Variants in MARCHF3 observed in about 807,000 individuals in gnomAD.
The protein encoded by MARCHF3 is E3 ubiquitin-protein ligase MARCHF3.
Under a neutral mutation model 24.2 loss-of-function variants are expected in MARCHF3, and 13 were observed. The ratio of observed to expected loss-of-function variants is 0.54; its 90% CI spans 0.35 to 0.85. MARCHF3 has a LOEUF of 0.85. MARCHF3 is among the 40% of genes least tolerant of loss of function. The probability of loss-of-function intolerance (pLI) is 0.01; values close to 1 mark genes in which losing one functional copy is unlikely to be tolerated. For missense variants in MARCHF3, 276 were observed against 325.0 expected, an observed-to-expected ratio of 0.85 and a Z score of 1.16; for synonymous variants, 144 against 137.3, an observed-to-expected ratio of 1.05 and a Z score of -0.34.
At chr5:127,009,030 A>C (rs1752400830) in intron 1 of MARCHF3, among the ~76,000 whole-genome samples, 1 of 152,108 alleles carries the variant, frequency 6.6e-6, no homozygotes, top group Non-Finnish European at 1.5e-5. Flanking sequence ...TTAAGGTACT[A>C]AGTTACAATA....
chr5:127,014,788 T>C (rs898661908), intron 1 of MARCHF3, among the ~76,000 whole-genome samples: 1 of 152,078 alleles, frequency 6.6e-6, no homozygotes, highest in African/African-American at 2.4e-5. Context: ...AGAACAGCGA[T>C]TGCTAGAGGT....
Position 126,972,825 on chromosome 5 carries a change from A to C in MARCHF3, c.-56-54598T>G, listed in dbSNP as rs557628399. Among the ~76,000 whole-genome samples the C allele has an allele frequency of 1.4e-4, 21 of 152,298 alleles. No individual in the cohort carries two copies. In the South Asian group the frequency reaches 3.9e-3, roughly 29 times the overall value. On this transcript the variant is annotated intron_variant, in intron 1 of 4. Transcript: ENST00000308660. Reference sequence around the variant, plus strand: ...AGGATGTAAAAAAAACACCAAAAAAACCCTGTATATTTGAGAGAGTTTTGA... The same window carrying C: ...AGGATGTAAAAAAAACACCAAAAAACCCCTGTATATTTGAGAGAGTTTTGA...
intron 1 of MARCHF3, among the ~76,000 whole-genome samples, chr5:126,935,335 C>A (rs1186612350): frequency 6.6e-6 from 1 of 152,122 alleles, no homozygotes; most frequent in Non-Finnish European, 1.5e-5. Context: ...GACCCTCCCC[C>A]AAATAAGAAG....
chr5:127,003,345 T>C (rs1326727549), intron 1 of MARCHF3, among the ~76,000 whole-genome samples: 8 of 151,778 alleles, frequency 5.3e-5, no homozygotes, highest in South Asian at 2.1e-4. Flanking sequence ...TGGGCGCCTG[T>C]AGTCCCAGCT....
chr5:126,955,372 T>C (rs192066944), intron 1 of MARCHF3, among the ~76,000 whole-genome samples: 3 of 152,374 alleles, frequency 2.0e-5, no homozygotes, highest in South Asian at 4.1e-4. Context: ...GTAAAACTGC[T>C]TGGTTATGGA....
At chr5:126,979,194 C>A (rs1751303089) in intron 1 of MARCHF3, among the ~76,000 whole-genome samples, 1 of 152,196 alleles carries the variant, frequency 6.6e-6, no homozygotes, top group Non-Finnish European at 1.5e-5. Flanking sequence ...GCTGACTCTA[C>A]TTGTTAGCCC....
At chr5:127,008,905 ATTT>A (rs1752397114) in intron 1 of MARCHF3, among the ~76,000 whole-genome samples, 1 of 44,698 alleles carries the variant, frequency 2.2e-5, no homozygotes, top group South Asian at 9.2e-4. Flanking sequence ...TTATTTATTT[ATTT>A]ATTTATTTAT....
At position 127,016,240 on chromosome 5, in the gene MARCHF3, G is replaced by A. The variant is rs191068773; in HGVS notation, c.-57+14110C>T. 3.7e-4 allele frequency among the ~76,000 whole-genome samples: 56 copies of A among 152,172 alleles called. No homozygotes were observed. The East Asian group carries it at 0.01, about 28-fold the overall frequency. On this transcript the variant is annotated intron_variant, in intron 1 of 4. Transcript: ENST00000308660. ...CTTAGAACACATTCCCTGCAGACAA[G>A]GGTGAACTACTGTTATGAGTTCAAA...
chr5:127,000,070 T>C (rs1181748725), intron 1 of MARCHF3, among the ~76,000 whole-genome samples: 1 of 150,120 alleles, frequency 6.7e-6, no homozygotes, highest in Non-Finnish European at 1.5e-5. Context: ...TATATATTAT[T>C]CTGTAAAGTA....
chr5:126,870,557 G>T lies in MARCHF3; in HGVS notation c.*76C>A. 2 of 1,385,016 alleles carry T rather than the reference G, an allele frequency of 1.4e-6. No homozygotes were observed. Among genetic ancestry groups the T allele is most frequent in the Non-Finnish European group, 2.0e-6 (2 of 985,970 alleles). The allele number at this position is 1,385,016 out of a possible 1,614,324, so 85.8% of individuals were successfully genotyped here. ...AGGCTTAAGGAAGGGCTTGGGGGTC[G>T]CTCAGTGCATGACCCCAGTGCAGAC... On this transcript the variant is annotated 3_prime_UTR_variant, in exon 5 of 5. Coordinates refer to ENST00000308660, the MANE Select transcript of MARCHF3 (RefSeq NM_178450.5).
At chr5:126,912,865 T>C (rs1483991072) in intron 3 of MARCHF3, among the ~76,000 whole-genome samples, 3 of 152,256 alleles carry the variant, frequency 2.0e-5, no homozygotes, top group Non-Finnish European at 4.4e-5. Flanking sequence ...TCAATCATCA[T>C]TAACTCTGAA....
chr5:126,972,953 T>C (rs1751065752), intron 1 of MARCHF3, among the ~76,000 whole-genome samples: 1 of 152,268 alleles, frequency 6.6e-6, no homozygotes, highest in African/African-American at 2.4e-5. Flanking sequence ...TGCTAATGTC[T>C]CTATATCACA....
At chr5:126,983,162 C>A (rs893290233) in intron 1 of MARCHF3, among the ~76,000 whole-genome samples, 1 of 152,192 alleles carries the variant, frequency 6.6e-6, no homozygotes, top group African/African-American at 2.4e-5. Context: ...TCGCTGGATG[C>A]CACCGGACAC....
At chr5:126,906,398 G>T (rs1252183992) in intron 3 of MARCHF3, among the ~76,000 whole-genome samples, 1 of 152,172 alleles carries the variant, frequency 6.6e-6, no homozygotes, top group Admixed American at 6.5e-5. Flanking sequence ...ATGGTACCCA[G>T]TTCCTCCTTG....
At chr5:126,906,144 C>G (rs1416854566) in intron 3 of MARCHF3, among the ~76,000 whole-genome samples, 2 of 150,624 alleles carry the variant, frequency 1.3e-5, no homozygotes, top group South Asian at 2.1e-4. Context: ...ATTGAACCAG[C>G]CTTGCATCCC....
chr5:127,004,466 T>C (rs1437428513), intron 1 of MARCHF3, among the ~76,000 whole-genome samples: 1 of 152,204 alleles, frequency 6.6e-6, no homozygotes, highest in Non-Finnish European at 1.5e-5. Context: ...CTATCATTTC[T>C]TTTTTATAGG....
chr5:126,972,071 T>G (rs868316421), intron 1 of MARCHF3, among the ~76,000 whole-genome samples: 3 of 152,144 alleles, frequency 2.0e-5, no homozygotes, highest in Admixed American at 6.5e-5. Context: ...TCTGAACAAG[T>G]CTTTTCATTT....
rs905291654 is a variant in MARCHF3 at position 126,960,441 on chromosome 5, T to C, written c.-56-42214A>G. Among the ~76,000 whole-genome samples the C allele has an allele frequency of 5.9e-5, 9 of 152,292 alleles. No individual in the cohort carries two copies. In the South Asian group the frequency reaches 6.2e-4, roughly 11 times the overall value. On this transcript the variant is annotated intron_variant, in intron 1 of 4. Coordinates refer to ENST00000308660, the MANE Select transcript of MARCHF3 (RefSeq NM_178450.5). ...CGCAATTTGAAAATAATGACAGTTGTATCAATATTTGCAAATTGAAATGAT... is the reference window on the plus strand; with the variant it reads ...CGCAATTTGAAAATAATGACAGTTGCATCAATATTTGCAAATTGAAATGAT...
At chr5:126,913,538 T>A (rs1187958073) in intron 3 of MARCHF3, among the ~76,000 whole-genome samples, 1 of 152,226 alleles carries the variant, frequency 6.6e-6, no homozygotes, top group Non-Finnish European at 1.5e-5. Context: ...TTTCTGAATA[T>A]GAATTTCTGA....
Sources: allele counts gnomAD v4.1 joint callset (sites outside exome capture counted in the v4.1 genomes callset), GRCh38; gene constraint gnomAD v4.1.1; transcripts MANE v1.5; gene names NCBI Gene and HGNC (gene_info 2026-07-23, HGNC 2026-07-21).